DGKD: variants seen among roughly 807,000 people sequenced by gnomAD.
The protein encoded by DGKD is DAG kinase delta.
DGKD carries 68 observed loss-of-function variants against 154.4 expected under a neutral mutation model. The observed-to-expected ratio is 0.44, with a 90% confidence interval of 0.36 to 0.54. The LOEUF (loss-of-function observed/expected upper bound fraction) is 0.54. Ranked by LOEUF, DGKD falls within the 20% of genes least tolerant of loss-of-function variation. DGKD has a pLI of 0.00. For missense variants in DGKD, 1,343 were observed against 1,593.6 expected (o/e 0.84, Z 2.68); for synonymous variants, 693 against 638.0 (o/e 1.09, Z -1.30).
At chr2:233,356,887 A>T (rs1387034519) in intron 1 of DGKD, among the ~76,000 whole-genome samples, 1 of 152,152 alleles carries the variant, frequency 6.6e-6, no homozygotes, top group Non-Finnish European at 1.5e-5. Flanking sequence ...CATAATAGAA[A>T]CATCAAAAAT....
Position 233,437,472 on chromosome 2 carries a change from C to T in DGKD, c.915C>T (p.Asp305=), listed in dbSNP as rs2062737653. ...CACCCACGGCTCTCAACAGCATCGA[C>T]TCCGATGGTGGGTACCACACATGCT... ...VIPPTALNSI[D]SDGFWKASCP... is the part of the protein sequence containing the mutation. The change falls in exon 8 of 30, where the codon GAC becomes GAT. Residue 305 remains aspartate, a synonymous_variant. Coordinates refer to ENST00000264057, the MANE Select transcript of DGKD (RefSeq NM_152879.3). 1.2e-6 allele frequency: 2 copies of T among 1,613,898 alleles called. No individual in the cohort carries two copies. Among genetic ancestry groups the T allele is most frequent in the East Asian group, 2.2e-5 (1 of 44,886 alleles).
chr2:233,370,914 G>A (rs929389469), intron 1 of DGKD, among the ~76,000 whole-genome samples: 3 of 151,894 alleles, frequency 2.0e-5, no homozygotes, highest in African/African-American at 7.3e-5. Flanking sequence ...ACCATGCCTG[G>A]CTAATTTTTT....
At chr2:233,434,350 T>G (rs956240179) in intron 3 of DGKD, 30 bp from the exon 4 acceptor site, 5 of 1,578,144 alleles carry the variant, frequency 3.2e-6, no homozygotes, top group Non-Finnish European at 4.4e-6. Flanking sequence ...CTTTTGTTCA[T>G]GGATCTGTTG....
chr2:233,449,478 AC>A lies in DGKD; in HGVS notation c.1888+104del. 4.2e-6 allele frequency: 6 copies of A among 1,426,350 alleles called. No individual in the cohort carries two copies. The highest frequency in any genetic ancestry group is 5.6e-6 in the Non-Finnish European group (6 of 1,079,626). 88.4% of individuals were successfully genotyped at this position (1,426,350 alleles called of 1,614,324 possible). The stretch of plus-strand genomic sequence containing the variant: ...TGACAGAAGGGTGCATGTTGAGAAA[AC>A]CTCCACTGCGGCCCTCTCCACCCAT... On this transcript the variant is annotated intron_variant, in intron 15 of 29. Transcript: ENST00000264057. This position sits in a 1 kb window ranked among gnomAD's most constrained non-coding sequence, Gnocchi z 5.3.
In DGKD at chr2:233,440,380, G is replaced by A. The variant is rs564021931; in HGVS notation, c.1086-1507G>A. ...TCATTCTGGGTCAGACACTGAGCTC[G>A]AGGCAGGGTGCGCAGGTGAGCCAGG... On this transcript the variant is annotated intron_variant, in intron 9 of 29. Transcript: ENST00000264057. This position sits in a 1 kb window ranked among gnomAD's most constrained non-coding sequence, Gnocchi z 4.9. 6.6e-6 allele frequency among the ~76,000 whole-genome samples: 1 copy of A among 152,332 alleles called. No individual in the cohort carries two copies. The highest frequency in any genetic ancestry group is 1.5e-5 in the Non-Finnish European group (1 of 68,030).
rs1448291715 is a variant in DGKD at position 233,445,582 on chromosome 2, C to T, written c.1195-41C>T. Reference sequence around the variant, plus strand: ...TGCGGGCTGGGAAGTGGCCCCTGCCCCCAGGTGTTTGCCTGCGCATCGTCC... The same window carrying T: ...TGCGGGCTGGGAAGTGGCCCCTGCCTCCAGGTGTTTGCCTGCGCATCGTCC... On this transcript the variant is annotated intron_variant, in intron 10 of 29. Coordinates refer to ENST00000264057, the MANE Select transcript of DGKD (RefSeq NM_152879.3). The surrounding 1 kb of genome is among the most constrained non-coding windows in gnomAD (Gnocchi z 5.5). 2.6e-6 allele frequency: 4 copies of T among 1,557,958 alleles called. No homozygotes were observed.
intron 1 of DGKD, among the ~76,000 whole-genome samples, chr2:233,384,982 G>A (rs1196199905): frequency 3.3e-5 from 5 of 152,106 alleles, no homozygotes; most frequent in Non-Finnish European, 2.9e-5. Context: ...GTACACATCC[G>A]CCTTCCTCTG....
At chr2:233,408,122 A>C (rs1433192301) in intron 3 of DGKD, among the ~76,000 whole-genome samples, 2 of 148,276 alleles carry the variant, frequency 1.3e-5, no homozygotes, top group African/African-American at 5.0e-5. Context: ...AGCTCACTGC[A>C]ACCTCCGCCT....
chr2:233,414,284 G>C (rs961516866), intron 3 of DGKD, among the ~76,000 whole-genome samples: 2 of 152,206 alleles, frequency 1.3e-5, no homozygotes, highest in African/African-American at 4.8e-5. Flanking sequence ...CTTATCCTTT[G>C]CATCCTAAGG....
In DGKD at chr2:233,462,859, G is replaced by A. The variant is rs13427968; in HGVS notation, c.3186+124G>A. On this transcript the variant is annotated intron_variant, in intron 26 of 29. Transcript: ENST00000264057. ...AGTTCCCGGTCTTAAGGAATGGGCCGCAGAGGTCATTTGGTTTGTTGTGCG... is the reference window on the plus strand; with the variant it reads ...AGTTCCCGGTCTTAAGGAATGGGCCACAGAGGTCATTTGGTTTGTTGTGCG... The A allele has an allele frequency of 1.4e-4, 120 of 846,132 alleles. No homozygotes were observed. In the African/African-American group the frequency reaches 1.5e-3, roughly 10 times the overall value. 52.4% of individuals were successfully genotyped at this position (846,132 alleles called of 1,614,324 possible).
At chr2:233,437,294 C>A in intron 7 of DGKD, 83 bp from the exon 8 acceptor site, 1 of 1,312,514 alleles carries the variant, frequency 7.6e-7, no homozygotes. Flanking sequence ...CCGAGGCCAG[C>A]TCATCAGCTA....
At chr2:233,403,641 T>C (rs2061610962) in intron 3 of DGKD, among the ~76,000 whole-genome samples, 1 of 151,890 alleles carries the variant, frequency 6.6e-6, no homozygotes, top group Non-Finnish European at 1.5e-5. Context: ...ATGTTTCTCT[T>C]CAGACTTTTT....
chr2:233,427,636 C>T (rs1047817580), intron 3 of DGKD, among the ~76,000 whole-genome samples: 1 of 152,106 alleles, frequency 6.6e-6, no homozygotes, highest in Non-Finnish European at 1.5e-5. Flanking sequence ...GCCACTGCGC[C>T]CAGCCTTATT....
At chr2:233,398,961 C>T (rs1485313001) in intron 3 of DGKD, among the ~76,000 whole-genome samples, 1 of 152,218 alleles carries the variant, frequency 6.6e-6, no homozygotes, top group Non-Finnish European at 1.5e-5. Flanking sequence ...CTGTGGAACA[C>T]TACAAGACTG....
At chr2:233,431,025 G>T (rs542668500) in intron 3 of DGKD, among the ~76,000 whole-genome samples, 1 of 152,160 alleles carries the variant, frequency 6.6e-6, no homozygotes, top group Non-Finnish European at 1.5e-5. Context: ...AAATTGGAAA[G>T]GAAGAAGTCA....
chr2:233,469,238 A>T, intron 29 of DGKD, 133 bp from the exon 30 acceptor site: 2 of 713,494 alleles, frequency 2.8e-6, no homozygotes, highest in Non-Finnish European at 4.9e-6. Flanking sequence ...ATCTTGTTTT[A>T]CCGTTTTTGT....
intron 1 of DGKD, among the ~76,000 whole-genome samples, chr2:233,365,111 G>T (rs73106636): frequency 6.6e-6 from 1 of 152,116 alleles, no homozygotes; most frequent in Non-Finnish European, 1.5e-5. Context: ...TAACACAATT[G>T]TAAGGGAAAC....
At position 233,470,537 on chromosome 2, in the gene DGKD, C is replaced by T; in HGVS notation, c.*1077C>T. On this transcript the variant is annotated 3_prime_UTR_variant, in exon 30 of 30. Transcript: ENST00000264057. ...GACTCTGATTTGGTGGTCCGCGCTG[C>T]CCCTGCCCTGCCTCTGTCCTGGCTC... 6.5e-6 allele frequency: 1 copy of T among 152,706 alleles called. No homozygotes were observed. The highest frequency in any genetic ancestry group is 1.5e-5 in the Non-Finnish European group (1 of 68,338). 9.5% of individuals were successfully genotyped at this position (152,706 alleles called of 1,614,324 possible).
In DGKD at chr2:233,469,828, C is replaced by T. The variant is rs778166651; in HGVS notation, c.*368C>T. 15 of 212,644 alleles carry T rather than the reference C, an allele frequency of 7.1e-5. No individual in the cohort carries two copies. The highest frequency in any genetic ancestry group is 1.0e-4 in the Non-Finnish European group (11 of 106,366). The allele number at this position is 212,644 out of a possible 1,614,324, so 13.2% of individuals were successfully genotyped here. On this transcript the variant is annotated 3_prime_UTR_variant, in exon 30 of 30. Transcript: ENST00000264057. Reference sequence around the variant, plus strand: ...GCCTGGCCTCGTGCTTGGATTGTCCCGGGGGCTCCTCTCCGTGTGTCCTTC... The same window carrying T: ...GCCTGGCCTCGTGCTTGGATTGTCCTGGGGGCTCCTCTCCGTGTGTCCTTC...
Sources: allele counts gnomAD v4.1 joint callset (sites outside exome capture counted in the v4.1 genomes callset), GRCh38; gene constraint gnomAD v4.1.1; non-coding constraint Gnocchi (gnomAD v3.1); transcripts MANE v1.5; gene names NCBI Gene and HGNC (gene_info 2026-07-23, HGNC 2026-07-21).